Variants in STIM1 observed in about 807,000 individuals in gnomAD.
The protein encoded by STIM1 is stromal interaction molecule 1.
STIM1 carries 25 observed loss-of-function variants against 74.7 expected under a neutral mutation model. That is an observed-to-expected ratio of 0.33 (90% CI 0.24 to 0.47). The LOEUF (loss-of-function observed/expected upper bound fraction) is 0.47. Ranked by LOEUF, STIM1 falls within the 20% of genes least tolerant of loss-of-function variation. STIM1 has a pLI of 1.00. For synonymous variants in STIM1, 328 were observed against 348.8 expected (o/e 0.94, Z 0.66); for missense variants, 728 against 920.8 (o/e 0.79, Z 2.71).
intron 1 of STIM1, among the ~76,000 whole-genome samples, chr11:3,906,111 A>G (rs1299291200): frequency 6.6e-6 from 1 of 152,228 alleles, no homozygotes; most frequent in Non-Finnish European, 1.5e-5. Flanking sequence ...GAGGAAAAAA[A>G]GAATCAGCTT....
chr11:3,929,313 T>G (rs2092829611), intron 1 of STIM1, among the ~76,000 whole-genome samples: 1 of 152,214 alleles, frequency 6.6e-6, no homozygotes, highest in African/African-American at 2.4e-5. Flanking sequence ...AACTGGCAGT[T>G]AGTACCCCAC....
At chr11:3,954,632 A>G (rs1433782180) in intron 1 of STIM1, among the ~76,000 whole-genome samples, 2 of 152,338 alleles carry the variant, frequency 1.3e-5, no homozygotes, top group African/African-American at 4.8e-5. Flanking sequence ...AAGAAAAGAC[A>G]TTTAAGTGGA....
chr11:3,920,939 G>A (rs1381044420), intron 1 of STIM1, among the ~76,000 whole-genome samples: 1 of 151,218 alleles, frequency 6.6e-6, no homozygotes, highest in African/African-American at 2.4e-5. Flanking sequence ...GGCATTATAG[G>A]CACCCGCCAC....
intron 4 of STIM1, among the ~76,000 whole-genome samples, chr11:4,056,919 C>T (rs1203573609): frequency 6.6e-6 from 1 of 152,196 alleles, no homozygotes; most frequent in East Asian, 1.9e-4. Context: ...CCAGGTCTGT[C>T]TTGTTCTAAA....
intron 10 of STIM1, 100 bp downstream of exon 10, chr11:4,083,598 C>A: frequency 1.8e-6 from 2 of 1,132,414 alleles, no homozygotes; most frequent in Non-Finnish European, 2.6e-6. Flanking sequence ...GGGGCAGATA[C>A]CCAGGAAGAT....
intron 3 of STIM1, among the ~76,000 whole-genome samples, chr11:4,047,414 G>C (rs1287698217): frequency 1.3e-5 from 2 of 152,026 alleles, no homozygotes; most frequent in African/African-American, 4.8e-5. Context: ...CCAGGAGTCT[G>C]AGACCAACCT....
intron 1 of STIM1, among the ~76,000 whole-genome samples, chr11:3,927,133 G>A (rs1590572646): frequency 6.6e-6 from 1 of 152,120 alleles, no homozygotes; most frequent in East Asian, 1.9e-4. Context: ...ACTTTCTGGC[G>A]GTTCAGATTT....
chr11:3,999,108 A>T (rs999492631), intron 2 of STIM1, among the ~76,000 whole-genome samples: 7 of 152,212 alleles, frequency 4.6e-5, no homozygotes, highest in African/African-American at 1.7e-4. Flanking sequence ...CACTTTGGGA[A>T]GCCAAGGCAG....
In STIM1 at chr11:4,061,131, T is replaced by A. The variant is rs187504730; in HGVS notation, c.613+1735T>A. On this transcript the variant is annotated intron_variant, in intron 5 of 12. Coordinates refer to ENST00000526596, the MANE Select transcript of STIM1 (RefSeq NM_001382567.1). ...TTATCAAGCTTTATCTGTATCAAAA[T>A]CAGATTTATCATGTCTGAAAGGATA... Among the ~76,000 whole-genome samples the A allele has an allele frequency of 3.3e-3, 498 of 152,308 alleles. 2 individuals are homozygous for A. The highest frequency in any genetic ancestry group is 5.3e-3 in the Non-Finnish European group (361 of 68,016).
At chr11:3,995,725 GC>G (rs1175526821) in intron 2 of STIM1, among the ~76,000 whole-genome samples, 1 of 151,892 alleles carries the variant, frequency 6.6e-6, no homozygotes, top group Non-Finnish European at 1.5e-5. Flanking sequence ...GCCCACTGCA[GC>G]CTCAACCTCC....
At chr11:4,086,955 G>A in intron 12 of STIM1, 1 of 1,453,478 alleles carries the variant, frequency 6.9e-7, no homozygotes, top group African/African-American at 1.4e-5. Flanking sequence ...GATCAACTCT[G>A]GGGGTGTGTG....
Position 4,086,603 on chromosome 11 carries a change from G to A in STIM1, c.1634+60G>A, listed in dbSNP as rs748049243. 4.0e-5 allele frequency: 65 copies of A among 1,606,234 alleles called. No homozygotes were observed. Among genetic ancestry groups the A allele is most frequent in the African/African-American group, 1.2e-4 (9 of 74,726 alleles). On this transcript the variant is annotated intron_variant, in intron 12 of 12. Transcript: ENST00000526596. ...AGCCGGGTATCTCTGCGGCGAATGC[G>A]CAGCCTTTCATCTGGACAGTCTTTC...
intron 12 of STIM1, chr11:4,089,083 A>G: frequency 3.5e-6 from 1 of 287,622 alleles, no homozygotes; most frequent in South Asian, 3.7e-5. Context: ...AAAAAATCAA[A>G]AATTTAGTTG....
At chr11:3,948,438 A>G (rs1464181899) in intron 1 of STIM1, among the ~76,000 whole-genome samples, 2 of 152,166 alleles carry the variant, frequency 1.3e-5, no homozygotes, top group South Asian at 2.1e-4. Context: ...TTTTACTTGA[A>G]TCTGTAGGCT....
At chr11:3,968,409 CA>C (rs1262021839) in intron 2 of STIM1, among the ~76,000 whole-genome samples, 1 of 152,222 alleles carries the variant, frequency 6.6e-6, no homozygotes, top group Non-Finnish European at 1.5e-5. Context: ...GTAGTTATAT[CA>C]CGATGGGGGA....
intron 11 of STIM1, 175 bp from the exon 12 acceptor site, chr11:4,086,302 T>C: frequency 1.5e-6 from 1 of 679,174 alleles, no homozygotes; most frequent in Non-Finnish European, 2.5e-6. Flanking sequence ...CATCTTCAAT[T>C]TCCCATCCTT....
chr11:4,076,587 T>C (rs544746236), intron 7 of STIM1, among the ~76,000 whole-genome samples: 1 of 151,978 alleles, frequency 6.6e-6, no homozygotes, highest in East Asian at 1.9e-4. Context: ...TCCCTAAATT[T>C]TCTTCTGAAC....
At chr11:4,039,207 A>T (rs921051232) in intron 3 of STIM1, among the ~76,000 whole-genome samples, 1 of 152,160 alleles carries the variant, frequency 6.6e-6, no homozygotes, top group Non-Finnish European at 1.5e-5. Context: ...TGAGAGGATC[A>T]CTTGAGCCCC....
intron 3 of STIM1, among the ~76,000 whole-genome samples, chr11:4,038,135 A>T (rs2094119021): frequency 6.6e-6 from 1 of 151,738 alleles, no homozygotes; most frequent in African/African-American, 2.4e-5. Context: ...CTTGGGTTCA[A>T]GAGATTCTCG....
Sources: allele counts gnomAD v4.1 joint callset (sites outside exome capture counted in the v4.1 genomes callset), GRCh38; gene constraint gnomAD v4.1.1; transcripts MANE v1.5; gene names NCBI Gene and HGNC (gene_info 2026-07-23, HGNC 2026-07-21).